The following FILIP1 variants were observed in gnomAD, a reference collection of about 807,000 sequenced individuals.
FILIP1 encodes the protein filamin A interacting protein 1.
FILIP1 carries 61 observed loss-of-function variants against 102.1 expected under a neutral mutation model. That is an observed-to-expected ratio of 0.60 (90% CI 0.49 to 0.74). The LOEUF (loss-of-function observed/expected upper bound fraction) is 0.74. FILIP1 is among the 30% of genes least tolerant of loss of function. The pLI is 0.00. For synonymous variants in FILIP1, 491 were observed against 526.9 expected (o/e 0.93, Z 0.93); for missense variants, 1,314 against 1,441.2 (o/e 0.91, Z 1.43).
intron 1 of FILIP1, among the ~76,000 whole-genome samples, chr6:75,436,366 G>GAAA (rs764588245): frequency 8.3e-6 from 1 of 120,876 alleles, no homozygotes. Context: ...CCCTGTCTCA[G>GAAA]GAAAAAAAAA....
At chr6:75,337,168 T>C (rs554603652) in intron 4 of FILIP1, among the ~76,000 whole-genome samples, 176 of 152,304 alleles carry the variant, frequency 1.2e-3, no homozygotes, top group African/African-American at 4.1e-3. Context: ...TACCCCAATG[T>C]AATATAGTGC....
At chr6:75,316,456 A>C (rs1364103777) in intron 4 of FILIP1, among the ~76,000 whole-genome samples, 1 of 152,134 alleles carries the variant, frequency 6.6e-6, no homozygotes, top group East Asian at 1.9e-4. Context: ...AATAGAATTT[A>C]ATAGTCTCTC....
intron 1 of FILIP1, among the ~76,000 whole-genome samples, chr6:75,442,853 G>A (rs1030030327): frequency 7.0e-4 from 107 of 152,304 alleles, no homozygotes; most frequent in African/African-American, 2.4e-3. Flanking sequence ...AGTGTCATCC[G>A]TGGAGTTAGC....
intron 2 of FILIP1, chr6:75,385,001 T>C (rs544287439): frequency 6.8e-6 from 1 of 146,940 alleles, no homozygotes; most frequent in South Asian, 2.2e-4. Flanking sequence ...GGTTTCGCCA[T>C]GTTTTCAGGT....
intron 1 of FILIP1, among the ~76,000 whole-genome samples, chr6:75,492,023 T>G (rs188621268): frequency 6.6e-6 from 1 of 152,308 alleles, no homozygotes; most frequent in African/African-American, 2.4e-5. Context: ...CTTTTCAAAC[T>G]CCTTCAAGAC....
intron 1 of FILIP1, among the ~76,000 whole-genome samples, chr6:75,450,912 G>A (rs1183967629): frequency 1.1e-4 from 17 of 152,182 alleles, no homozygotes; most frequent in Middle Eastern, 3.4e-3. Context: ...CCGAGATTGC[G>A]CCATTGCACT....
chr6:75,360,008 T>C (rs1044690576), intron 3 of FILIP1, among the ~76,000 whole-genome samples: 1 of 152,212 alleles, frequency 6.6e-6, no homozygotes, highest in African/African-American at 2.4e-5. Flanking sequence ...CAGGAATGTT[T>C]TGAACGCCAC....
chr6:75,294,584 C>A (rs1772620588), exon 7 of FILIP1: 1 of 152,114 alleles, frequency 6.6e-6, no homozygotes, highest in African/African-American at 2.4e-5. Flanking sequence ...ATTCTCTGAC[C>A]TACCTGTAGT....
At chr6:75,391,188 T>C (rs1776270051) in intron 2 of FILIP1, among the ~76,000 whole-genome samples, 1 of 152,040 alleles carries the variant, frequency 6.6e-6, no homozygotes, top group South Asian at 2.1e-4. Flanking sequence ...ATGCGCTCAT[T>C]TTCCTTCTCA....
chr6:75,443,747 G>A (rs765782269), intron 1 of FILIP1, among the ~76,000 whole-genome samples: 11 of 152,288 alleles, frequency 7.2e-5, no homozygotes, highest in South Asian at 6.2e-4. Context: ...AGCAGCTGTC[G>A]CCTTAGACAA....
chr6:75,486,979 C>G (rs144339249), intron 1 of FILIP1, among the ~76,000 whole-genome samples: 2 of 152,130 alleles, frequency 1.3e-5, no homozygotes, highest in African/African-American at 4.8e-5. Flanking sequence ...GAGAAGTGAA[C>G]TCGACCAATG....
At chr6:75,461,304 T>C (rs1186906814) in intron 1 of FILIP1, among the ~76,000 whole-genome samples, 1 of 152,232 alleles carries the variant, frequency 6.6e-6, no homozygotes, top group Non-Finnish European at 1.5e-5. Flanking sequence ...TGTTAAATAT[T>C]GCTCTGCTAA....
At chr6:75,459,773 T>C (rs1424078312) in intron 1 of FILIP1, among the ~76,000 whole-genome samples, 1 of 152,186 alleles carries the variant, frequency 6.6e-6, no homozygotes, top group Non-Finnish European at 1.5e-5. Flanking sequence ...ATATATTTCT[T>C]GTATCTTGAT....
intron 4 of FILIP1, among the ~76,000 whole-genome samples, chr6:75,329,499 C>T (rs550558903): frequency 5.3e-5 from 8 of 152,272 alleles, no homozygotes; most frequent in African/African-American, 1.4e-4. Flanking sequence ...ATTTCCTTCT[C>T]AGAACACTAT....
intron 1 of FILIP1, among the ~76,000 whole-genome samples, chr6:75,451,399 T>C (rs1248593499): frequency 2.6e-5 from 4 of 151,540 alleles, no homozygotes; most frequent in African/African-American, 7.3e-5. Context: ...GCAAAAGGTA[T>C]CAACAGGTGA....
intron 4 of FILIP1, among the ~76,000 whole-genome samples, chr6:75,318,739 A>G (rs1773531856): frequency 6.6e-6 from 1 of 152,150 alleles, no homozygotes; most frequent in Non-Finnish European, 1.5e-5. Context: ...CCATCCCCAT[A>G]TATAATTAAT....
At chr6:75,460,779 T>C (rs1778999207) in intron 1 of FILIP1, among the ~76,000 whole-genome samples, 1 of 152,170 alleles carries the variant, frequency 6.6e-6, no homozygotes, top group Non-Finnish European at 1.5e-5. Flanking sequence ...CAAAAGACTG[T>C]AAAAGACTGA....
chr6:75,477,309 A>G lies in FILIP1; in HGVS notation c.-7+16105T>C, dbSNP rs893844921. 5.9e-5 allele frequency among the ~76,000 whole-genome samples: 9 copies of G among 152,142 alleles called. No homozygotes were observed. The East Asian group carries it at 1.7e-3, about 29-fold the overall frequency. On this transcript the variant is annotated intron_variant, in intron 1 of 5. Transcript: ENST00000237172. ...GGGAGGGAATGGGAGTTGTTGATTA[A>G]AGGGTACAGAATTTCAGGTAGACAG...
chr6:75,372,714 GAAA>G (rs1775595908), intron 2 of FILIP1, among the ~76,000 whole-genome samples: 6 of 15,466 alleles, frequency 3.9e-4, no homozygotes, highest in Admixed American at 1.3e-3. Context: ...AGAAAGAAAG[GAAA>G]GAAAGAGAAA....
Sources: allele counts gnomAD v4.1 joint callset (sites outside exome capture counted in the v4.1 genomes callset), GRCh38; gene constraint gnomAD v4.1.1; transcripts MANE v1.5; gene names NCBI Gene and HGNC (gene_info 2026-07-23, HGNC 2026-07-21).